Variants in TMED3 observed in about 807,000 individuals in gnomAD.
TMED3 encodes the protein transmembrane emp24 domain-containing protein 3.
In TMED3, 9 loss-of-function variants were observed where a neutral mutation model predicts 15.0. The observed-to-expected ratio is 0.60, with a 90% CI of 0.36 to 1.04. The LOEUF is 1.04. Among genes scored for constraint, TMED3 ranks in the 50% least tolerant of loss-of-function variants. The pLI is 0.01. For synonymous variants in TMED3, 117 were observed against 121.4 expected, an observed-to-expected ratio of 0.96 and a Z score of 0.24; for missense variants, 267 against 278.9, an observed-to-expected ratio of 0.96 and a Z score of 0.30.
intron 2 of TMED3, among the ~76,000 whole-genome samples, chr15:79,365,689 T>A (rs1045134453): frequency 6.6e-6 from 1 of 152,254 alleles, no homozygotes; most frequent in Admixed American, 6.5e-5. Flanking sequence ...AGAGTAGCTA[T>A]CTGTGGAGAT....
At chr15:79,381,370 G>A (rs1893533533) in intron 2 of TMED3, among the ~76,000 whole-genome samples, 4 of 152,202 alleles carry the variant, frequency 2.6e-5, no homozygotes, top group Admixed American at 2.0e-4. Context: ...AAGCTAAGGT[G>A]AATGTCTCTT....
At chr15:79,346,110 A>G (rs2058870555) in intron 2 of TMED3, among the ~76,000 whole-genome samples, 1 of 151,952 alleles carries the variant, frequency 6.6e-6, no homozygotes. Flanking sequence ...TTGGCTCTTC[A>G]CTCTGTTGAT....
chr15:79,380,921 T>A (rs996226903), intron 2 of TMED3, among the ~76,000 whole-genome samples: 6 of 152,206 alleles, frequency 3.9e-5, no homozygotes, highest in African/African-American at 1.4e-4. Context: ...ATCCTGCAGT[T>A]TTTTTACAGC....
At chr15:79,399,068 G>A (rs1196262378) in intron 2 of TMED3, among the ~76,000 whole-genome samples, 2 of 152,026 alleles carry the variant, frequency 1.3e-5, no homozygotes, top group Non-Finnish European at 1.5e-5. Flanking sequence ...ATGCCACCAC[G>A]CCCAACTAAT....
intron 2 of TMED3, among the ~76,000 whole-genome samples, chr15:79,390,519 A>G (rs368423704): frequency 1.3e-5 from 2 of 152,036 alleles, no homozygotes; most frequent in African/African-American, 2.4e-5. Context: ...TTTAGCATCT[A>G]TGTTCATCAG....
At chr15:79,339,983 A>T (rs535904667) in intron 2 of TMED3, among the ~76,000 whole-genome samples, 1 of 152,174 alleles carries the variant, frequency 6.6e-6, no homozygotes, top group South Asian at 2.1e-4. Flanking sequence ...CACCACACAC[A>T]CACTACTGCA....
Position 79,321,986 on chromosome 15 carries a change from C to A in TMED3, c.426C>A (p.Ser142=). The stretch of plus-strand genomic sequence containing the variant: ...TTTCTCTTCCTGCCCAGATGGAGTC[C>A]GCCTGCGTGACCATCCATGAGGCTC... ...NRVTALTQME[S]ACVTIHEALK... Residue 142 remains serine (S), a synonymous_variant, in exon 3 of 3, where the codon TCC becomes TCA. Transcript: ENST00000299705. The A allele has an allele frequency of 6.2e-7, 1 of 1,613,976 alleles. No homozygotes were observed. The highest frequency in any genetic ancestry group is 1.1e-5 in the South Asian group (1 of 91,046).
chr15:79,412,734 G>A, exon 3 of TMED3: 1 of 152,534 alleles, frequency 6.6e-6, no homozygotes, highest in Non-Finnish European at 1.5e-5. Context: ...CGCTGCCACT[G>A]CCACTACCAC....
At chr15:79,311,670 A>G (rs2058715204) in intron 1 of TMED3, among the ~76,000 whole-genome samples, 1 of 152,176 alleles carries the variant, frequency 6.6e-6, no homozygotes, top group Non-Finnish European at 1.5e-5. Context: ...TGGGGACGCC[A>G]GGGCGGATCC....
rs760043866 is a variant in TMED3 at position 79,321,975 on chromosome 15, C to T, written c.418-3C>T. 1.9e-6 allele frequency: 3 copies of T among 1,613,722 alleles called. No individual in the cohort carries two copies. Among genetic ancestry groups the T allele is most frequent in the Admixed American group, 1.7e-5 (1 of 59,992 alleles). Reference sequence around the variant, plus strand: ...GTGTGACTGCTTTTCTCTTCCTGCCCAGATGGAGTCCGCCTGCGTGACCAT... The same window carrying T: ...GTGTGACTGCTTTTCTCTTCCTGCCTAGATGGAGTCCGCCTGCGTGACCAT... On this transcript the variant is annotated splice_region_variant and splice_polypyrimidine_tract_variant and intron_variant, in intron 2 of 2. Coordinates refer to ENST00000299705, the MANE Select transcript of TMED3 (RefSeq NM_007364.4).
At chr15:79,371,227 A>G (rs985783681) in intron 2 of TMED3, among the ~76,000 whole-genome samples, 2 of 152,228 alleles carry the variant, frequency 1.3e-5, no homozygotes, top group African/African-American at 4.8e-5. Flanking sequence ...GTCCCTAAGT[A>G]GGTTTAGATG....
downstream of TMED3, among the ~76,000 whole-genome samples, chr15:79,326,296 A>G (rs1187335861): frequency 6.6e-6 from 1 of 152,220 alleles, no homozygotes; most frequent in African/African-American, 2.4e-5. Flanking sequence ...GGAAACTTAG[A>G]ATCAAATAGC....
At chr15:79,377,271 T>C (rs1350999722) in intron 2 of TMED3, among the ~76,000 whole-genome samples, 1 of 6,874 alleles carries the variant, frequency 1.5e-4, no homozygotes, top group Non-Finnish European at 3.8e-4. Flanking sequence ...AGTGTGTGCA[T>C]GTGTGTGTGT....
intron 2 of TMED3, among the ~76,000 whole-genome samples, chr15:79,377,937 C>A (rs548514688): frequency 6.6e-6 from 1 of 152,222 alleles, no homozygotes; most frequent in Non-Finnish European, 1.5e-5. Context: ...TGAGCCACCG[C>A]GCCCGGCTGA....
chr15:79,365,604 A>G (rs77302655), intron 2 of TMED3, among the ~76,000 whole-genome samples: 1 of 152,244 alleles, frequency 6.6e-6, no homozygotes, highest in Non-Finnish European at 1.5e-5. Context: ...GAAAAGGAGC[A>G]GGTAGGGGAA....
chr15:79,347,942 A>G (rs1007486435), intron 2 of TMED3, among the ~76,000 whole-genome samples: 2 of 152,216 alleles, frequency 1.3e-5, no homozygotes, highest in Non-Finnish European at 2.9e-5. Flanking sequence ...TTGAAAGTTA[A>G]CAAAAATAGC....
At chr15:79,409,210 C>A (rs1893939803) in intron 2 of TMED3, among the ~76,000 whole-genome samples, 1 of 152,204 alleles carries the variant, frequency 6.6e-6, no homozygotes, top group South Asian at 2.1e-4. Flanking sequence ...CAGAGAGAGA[C>A]TTTTCTTGAT....
In TMED3 at chr15:79,311,392, G is replaced by A; in HGVS notation, c.143G>A (p.Gly48Asp). The change falls in exon 1 of 3, where the codon GGC becomes GAC. Residue 48 changes from glycine (G) to aspartate (D), a missense_variant. Physicochemically the swap from Gly to Asp is moderately conservative, Grantham distance 94. This residue lies in a region of TMED3 where 69 missense variants were observed against 106.8 expected (regional missense o/e 0.65). Transcript: ENST00000299705. ...KQCFHEEVEQ[G>D]VKFSLDYQVI... ...TGCTTCCACGAGGAGGTGGAGCAGGGCGTGAAGTTCTCCCTGGATTACCAG... is the reference window on the plus strand; with the variant it reads ...TGCTTCCACGAGGAGGTGGAGCAGGACGTGAAGTTCTCCCTGGATTACCAG... The A allele has an allele frequency of 6.2e-7, 1 of 1,611,630 alleles. No homozygotes were observed. Among genetic ancestry groups the A allele is most frequent in the Non-Finnish European group, 8.5e-7 (1 of 1,179,296 alleles).
At chr15:79,314,715 G>C in intron 2 of TMED3, 2 of 359,132 alleles carry the variant, frequency 5.6e-6, no homozygotes, top group South Asian at 4.2e-5. Context: ...TAGAGCCTTA[G>C]CAACAGCTCC....
Sources: gnomAD v4.1 joint callset for allele counts (sites outside exome capture counted in the v4.1 genomes callset) on GRCh38, gnomAD v4.1.1 for gene constraint, gnomAD v4.1.1 regional missense constraint, MANE v1.5 for transcripts, NCBI Gene and HGNC (gene_info 2026-07-23, HGNC 2026-07-21) for gene names.